SNX32: variants seen among roughly 807,000 people sequenced by gnomAD.
SNX32 encodes the protein sorting nexin-32.
SNX32 carries 58 observed loss-of-function variants against 57.0 expected under a neutral mutation model. That is an observed-to-expected ratio of 1.02 (90% CI 0.82 to 1.27). The LOEUF (loss-of-function observed/expected upper bound fraction) is 1.27, where lower values mean the gene tolerates loss of function less well. Ranked by LOEUF, SNX32 falls within the 50% of genes most tolerant of loss-of-function variation. The probability of loss-of-function intolerance (pLI) is 0.00; values close to 1 mark genes in which losing one functional copy is unlikely to be tolerated. For missense variants in SNX32, 589 were observed against 541.2 expected (o/e 1.09, Z -0.88); for synonymous variants, 262 against 220.4 (o/e 1.19, Z -1.67).
At chr11:65,853,033 G>T in intron 12 of SNX32, 75 bp downstream of exon 12, 1 of 1,512,856 alleles carries the variant, frequency 6.6e-7, no homozygotes. Context: ...AGGCACCAGG[G>T]TGTGCGTGCA....
chr11:65,850,904 C>G, intron 6 of SNX32, 49 bp downstream of exon 6: 1 of 1,557,238 alleles, frequency 6.4e-7, no homozygotes, highest in Non-Finnish European at 8.9e-7. Flanking sequence ...CTCAAGTCCA[C>G]AGCACAGATT....
rs1474141027 is a variant in SNX32, at chr11:65,852,695, G to A, written c.978G>A (p.Lys326=). 3 of 1,597,350 alleles carry A rather than the reference G, an allele frequency of 1.9e-6. No individual in the cohort carries two copies. The South Asian group carries it at 3.3e-5, about 18-fold the overall frequency. ...DYENANKALD[K]ARTRNREVRP... ...AGAATGCCAACAAGGCGCTGGACAA[G>A]GCGCGCACCAGGAACCGGGAGGTGC... The change falls in exon 11 of 13, where the codon AAG becomes AAA. Residue 326 remains lysine (K), a synonymous_variant. Coordinates refer to ENST00000308342, the MANE Select transcript of SNX32 (RefSeq NM_152760.3).
Position 65,852,924 on chromosome 11 carries a change from T to C in SNX32, c.1124T>C (p.Ile375Thr), listed in dbSNP as rs142949971. Residue 375 changes from isoleucine (I) to threonine (T), a missense_variant, in exon 12 of 13, where the codon ATT (isoleucine) becomes ACT (threonine). By Grantham distance (89) the Ile-to-Thr change is moderately conservative (BLOSUM62 -1). Coordinates refer to ENST00000308342, the MANE Select transcript of SNX32 (RefSeq NM_152760.3). ...GTCTCCTCTTTTCGAAAGAATCTCA[T>C]TGAGCTGGCAGAGCTGGAGCTCAAA... is the stretch of plus-strand genomic sequence containing the variant. ...RRVSSFRKNL[I>T]ELAELELKHA... is the part of the protein sequence containing the mutation. 7 of 1,614,010 alleles carry C rather than the reference T, an allele frequency of 4.3e-6. No homozygotes were observed. The highest frequency in any genetic ancestry group is 2.7e-5 in the African/African-American group (2 of 74,900).
Position 65,850,471 on chromosome 11 carries a change from G to A in SNX32, c.415G>A (p.Glu139Lys), listed in dbSNP as rs549693634. Residue 139 changes from glutamate to lysine, a missense_variant, in exon 5 of 13, where the codon GAA becomes AAA. By Grantham distance (56) the Glu-to-Lys change is moderately conservative (BLOSUM62 1). Transcript: ENST00000308342. ...AIFKKTVAMH[E>K]VFLQRLAAHP... ...CTTTAAGAAGACAGTTGCGATGCACGAAGTCTTTCTGCAGCGCCTGGCGGC... is the reference window on the plus strand; with the variant it reads ...CTTTAAGAAGACAGTTGCGATGCACAAAGTCTTTCTGCAGCGCCTGGCGGC... The A allele has an allele frequency of 1.0e-4, 163 of 1,614,162 alleles. 1 individual carries two copies. The South Asian group carries it at 1.4e-3, about 14-fold the overall frequency.
At chr11:65,840,975 C>T (rs554228694) in intron 1 of SNX32, among the ~76,000 whole-genome samples, 2 of 150,946 alleles carry the variant, frequency 1.3e-5, no homozygotes, top group Admixed American at 6.6e-5. Flanking sequence ...GATGGAGTTT[C>T]ACTCTTGTCA....
chr11:65,839,667 T>A (rs1028764480), intron 1 of SNX32, among the ~76,000 whole-genome samples: 110 of 150,314 alleles, frequency 7.3e-4, no homozygotes, highest in Non-Finnish European at 1.5e-3. Context: ...ACTAAAAAAA[T>A]TTTTTTTGTG....
At chr11:65,841,606 C>T (rs1046191554) in intron 1 of SNX32, among the ~76,000 whole-genome samples, 1 of 151,824 alleles carries the variant, frequency 6.6e-6, no homozygotes, top group Non-Finnish European at 1.5e-5. Flanking sequence ...AAAGAAAGGG[C>T]GCCTATAATC....
Position 65,851,403 on chromosome 11 carries a change from C to A in SNX32, c.785C>A (p.Thr262Lys). Residue 262 changes from threonine (T) to lysine (K), a missense_variant and splice_region_variant, in exon 8 of 13, where the codon ACG (threonine) becomes AAG (lysine). Transcript: ENST00000308342. ...LGTQEVNQLR[T>K]SFLKLAELFE... is the part of the protein sequence containing the mutation. ...ACACAGGAAGTCAACCAGCTAAGGA[C>A]GTGAGGACTCCCCCCACCCCTACCC... 1 of 1,614,084 alleles carries A rather than the reference C, an allele frequency of 6.2e-7. No homozygotes were observed. The highest frequency in any genetic ancestry group is 8.5e-7 in the Non-Finnish European group (1 of 1,179,960).
Position 65,834,054 on chromosome 11 carries a change from C to T in SNX32, c.-12C>T, listed in dbSNP as rs1858578323. ...CGCGGGCAGTGGCCGGACGCTGAAG[C>T]CCAGGAGAGCGATGGAGACGTATGC... On this transcript the variant is annotated 5_prime_UTR_variant, in exon 1 of 13. Coordinates refer to ENST00000308342, the MANE Select transcript of SNX32 (RefSeq NM_152760.3). 1 of 1,550,590 alleles carries T rather than the reference C, an allele frequency of 6.4e-7. No homozygotes were observed. The highest frequency in any genetic ancestry group is 8.7e-7 in the Non-Finnish European group (1 of 1,146,506).
In SNX32 at chr11:65,851,222, G is replaced by C. The variant is rs1591039553; in HGVS notation, c.709+62G>C. The C allele has an allele frequency of 1.6e-5, 25 of 1,597,388 alleles. No individual in the cohort carries two copies. The East Asian group carries it at 5.6e-4, about 36-fold the overall frequency. On this transcript the variant is annotated intron_variant, in intron 7 of 12. Transcript: ENST00000308342. The stretch of plus-strand genomic sequence containing the variant: ...CCTCTCCCCAGCGGTTCAACTCCTT[G>C]GGGGAGAGAAGAGAGCAGGGCGTGC...
chr11:65,847,258 A>T (rs966225362), intron 1 of SNX32, among the ~76,000 whole-genome samples: 1 of 151,938 alleles, frequency 6.6e-6, no homozygotes, highest in Non-Finnish European at 1.5e-5. Context: ...GGCTCAAGCA[A>T]TTCTCCTGCC....
chr11:65,837,894 G>A (rs761749051), intron 1 of SNX32, among the ~76,000 whole-genome samples: 2 of 148,240 alleles, frequency 1.3e-5, no homozygotes, highest in Non-Finnish European at 3.0e-5. Flanking sequence ...GGTGGCTCAC[G>A]CCTGTAATGC....
chr11:65,852,360 G>C, intron 9 of SNX32, 105 bp from the exon 10 acceptor site: 1 of 1,023,890 alleles, frequency 9.8e-7, no homozygotes, highest in Non-Finnish European at 1.5e-6. Context: ...ACCTGGAACA[G>C]TTACCTAAGG....
At chr11:65,834,181 G>A in intron 1 of SNX32, 80 bp downstream of exon 1, 2 of 416,456 alleles carry the variant, frequency 4.8e-6, no homozygotes, top group Non-Finnish European at 7.6e-6. Context: ...GCGGTGGTGT[G>A]TGTGTGTCTG....
chr11:65,838,613 A>G (rs1425633971), intron 1 of SNX32, among the ~76,000 whole-genome samples: 1 of 152,230 alleles, frequency 6.6e-6, no homozygotes, highest in Admixed American at 6.5e-5. Flanking sequence ...AAATAACATG[A>G]TTAATCAACT....
At chr11:65,847,038 C>T (rs1220561048) in intron 1 of SNX32, among the ~76,000 whole-genome samples, 13 of 146,550 alleles carry the variant, frequency 8.9e-5, no homozygotes, top group Middle Eastern at 7.4e-3. Context: ...GACAGTTTCT[C>T]ACTCTGTCAC....
chr11:65,849,605 G>A (rs768127421), intron 2 of SNX32, 23 bp downstream of exon 2: 7 of 1,602,460 alleles, frequency 4.4e-6, no homozygotes, highest in Non-Finnish European at 5.1e-6. Flanking sequence ...GGGGCACGAG[G>A]AAAGGTCCTG....
At chr11:65,842,787 T>C (rs568771443) in intron 1 of SNX32, among the ~76,000 whole-genome samples, 34 of 148,588 alleles carry the variant, frequency 2.3e-4, no homozygotes, top group Middle Eastern at 3.5e-3. Flanking sequence ...CCGTCTCTAC[T>C]AAAAATACAA....
At chr11:65,849,789 C>T in intron 2 of SNX32, 131 bp from the exon 3 acceptor site, 1 of 792,852 alleles carries the variant, frequency 1.3e-6, no homozygotes, top group South Asian at 1.8e-5. Context: ...TAAATGAAAT[C>T]ATGCACACCT....
Sources: gnomAD v4.1 joint callset for allele counts (sites outside exome capture counted in the v4.1 genomes callset) on GRCh38, gnomAD v4.1.1 for gene constraint, MANE v1.5 for transcripts, NCBI Gene and HGNC (gene_info 2026-07-23, HGNC 2026-07-21) for gene names.